Variants in CPED1 observed in about 807,000 individuals in gnomAD.
The protein encoded by CPED1 is cadherin like and PC-esterase domain containing 1.
CPED1 carries 114 observed loss-of-function variants against 128.2 expected under a neutral mutation model. That is an observed-to-expected ratio of 0.89 (90% CI 0.76 to 1.04). The LOEUF is 1.04. CPED1 is among the 50% of genes least tolerant of loss of function. The pLI is 0.00. For missense variants in CPED1, 1,211 were observed against 1,207.1 expected (o/e 1.00, Z -0.05); for synonymous variants, 462 against 426.7 (o/e 1.08, Z -1.02).
At chr7:121,293,495 C>T (rs745918788) in intron 22 of CPED1, among the ~76,000 whole-genome samples, 6 of 152,090 alleles carry the variant, frequency 3.9e-5, no homozygotes, top group African/African-American at 1.2e-4. Context: ...GCTTCAGCCC[C>T]GTTTCCAAGG....
intron 5 of CPED1, among the ~76,000 whole-genome samples, chr7:121,070,145 C>T (rs117575976): frequency 0.031 from 4,673 of 150,026 alleles, 133 homozygotes; most frequent in Non-Finnish European, 0.04. Flanking sequence ...ATACTATTTA[C>T]TACCAAATAT....
rs200333617 is a variant in CPED1 at position 121,128,382 on chromosome 7, G to A, written c.1303G>A (p.Gly435Ser). Residue 435 changes from glycine to serine, a missense_variant and splice_region_variant, in exon 11 of 23, where the codon GGT becomes AGT. Transcript: ENST00000310396. Reference protein sequence around the residue: ...QRLYRSDVFKGENYQKELNQC... With the variant: ...QRLYRSDVFKSENYQKELNQC... ...AAGTTCTTTCCCCCTACCAATACAG[G>A]GTGAAAACTATCAAAAGGAACTAAA... 1.6e-5 allele frequency: 24 copies of A among 1,539,924 alleles called. No individual in the cohort carries two copies. Among genetic ancestry groups the A allele is most frequent in the Non-Finnish European group, 5.4e-6 (6 of 1,113,326 alleles).
intron 17 of CPED1, among the ~76,000 whole-genome samples, chr7:121,238,776 T>C (rs1268998459): frequency 1.3e-5 from 2 of 150,642 alleles, no homozygotes; most frequent in African/African-American, 2.4e-5. Flanking sequence ...TATTACAGTG[T>C]ACTCATTAAT....
At chr7:121,204,015 GA>G (rs1431151442) in intron 16 of CPED1, among the ~76,000 whole-genome samples, 1 of 152,012 alleles carries the variant, frequency 6.6e-6, no homozygotes, top group Non-Finnish European at 1.5e-5. Context: ...CGCTTTCAGG[GA>G]GGTGAGGAGG....
chr7:121,156,242 A>G (rs1291294575), intron 16 of CPED1, among the ~76,000 whole-genome samples: 9 of 152,202 alleles, frequency 5.9e-5, no homozygotes, highest in African/African-American at 1.9e-4. Context: ...GTTGGTGGGA[A>G]TGTAAATTAG....
intron 18 of CPED1, among the ~76,000 whole-genome samples, chr7:121,260,686 G>A (rs1791995492): frequency 7.0e-6 from 1 of 143,442 alleles, no homozygotes; most frequent in African/African-American, 2.5e-5. Flanking sequence ...CCAGTAAACA[G>A]GCATTACCTG....
intron 6 of CPED1, among the ~76,000 whole-genome samples, chr7:121,099,097 T>A (rs1251007639): frequency 6.6e-6 from 1 of 151,338 alleles, no homozygotes; most frequent in African/African-American, 2.4e-5. Flanking sequence ...TAGGTAAGAT[T>A]GAACTAGTGG....
chr7:121,183,528 A>C (rs968126532), intron 16 of CPED1, among the ~76,000 whole-genome samples: 1 of 152,186 alleles, frequency 6.6e-6, no homozygotes, highest in African/African-American at 2.4e-5. Flanking sequence ...CTTAAGGTAC[A>C]GATTTTGTTT....
intron 16 of CPED1, among the ~76,000 whole-genome samples, chr7:121,226,368 C>T (rs537245709): frequency 2.0e-5 from 3 of 152,140 alleles, no homozygotes; most frequent in Non-Finnish European, 4.4e-5. Flanking sequence ...CTGGGAGCTG[C>T]AGACCGGAGC....
At chr7:121,015,572 A>G in intron 2 of CPED1, 93 bp from the exon 3 acceptor site, 1 of 1,167,660 alleles carries the variant, frequency 8.6e-7, no homozygotes, top group South Asian at 1.6e-5. Context: ...CTTTAGAATA[A>G]CTTCCCAAAT....
intron 2 of CPED1, among the ~76,000 whole-genome samples, chr7:120,997,732 C>T (rs1796430957): frequency 6.6e-6 from 1 of 151,892 alleles, no homozygotes; most frequent in South Asian, 2.1e-4. Context: ...ACCAGCCTGG[C>T]CAACATGGTG....
At chr7:121,136,222 T>C (rs1795780611) in intron 14 of CPED1, 132 bp downstream of exon 14, 5 of 876,690 alleles carry the variant, frequency 5.7e-6, no homozygotes, top group Non-Finnish European at 8.5e-6. Flanking sequence ...TTTTAGAAGT[T>C]ATTAGATTTC....
At chr7:121,165,944 T>C (rs553436979) in intron 16 of CPED1, among the ~76,000 whole-genome samples, 21 of 152,210 alleles carry the variant, frequency 1.4e-4, no homozygotes, top group Non-Finnish European at 2.6e-4. Context: ...TTATAAACTC[T>C]GTACTATTGA....
chr7:121,192,200 C>G (rs1376759634), intron 16 of CPED1, among the ~76,000 whole-genome samples: 6 of 152,074 alleles, frequency 3.9e-5, no homozygotes, highest in African/African-American at 1.4e-4. Flanking sequence ...TCCCCTCATC[C>G]TTTCCTACAA....
intron 16 of CPED1, among the ~76,000 whole-genome samples, chr7:121,165,701 A>G (rs1021407956): frequency 1.1e-4 from 17 of 152,174 alleles, no homozygotes; most frequent in Admixed American, 9.2e-4. Flanking sequence ...ACCACCACTA[A>G]GTCTGAAGTT....
chr7:121,295,542 C>A lies in CPED1; in HGVS notation c.2971C>A (p.Gln991Lys). 6.2e-7 allele frequency: 1 copy of A among 1,614,064 alleles called. No individual in the cohort carries two copies. The highest frequency in any genetic ancestry group is 8.5e-7 in the Non-Finnish European group (1 of 1,179,940). ...RYFSNQSKLQ[Q>K]GTVTNFRSPY... Reference sequence around the variant, plus strand: ...TTTCAGCAATCAAAGCAAACTACAACAAGGCACTGTAACAAATTTTCGATC... The same window carrying A: ...TTTCAGCAATCAAAGCAAACTACAAAAAGGCACTGTAACAAATTTTCGATC... The change falls in exon 23 of 23, where the codon CAA (glutamine) becomes AAA (lysine). Residue 991 changes from glutamine to lysine, a missense_variant. Gln to Lys is a moderately conservative substitution (Grantham distance 53, BLOSUM62 1). Coordinates refer to ENST00000310396, the MANE Select transcript of CPED1 (RefSeq NM_024913.5).
intron 16 of CPED1, among the ~76,000 whole-genome samples, chr7:121,148,604 G>T (rs1796080462): frequency 6.6e-6 from 1 of 152,074 alleles, no homozygotes; most frequent in Non-Finnish European, 1.5e-5. Flanking sequence ...AAAGAAATAG[G>T]AGCAAATAAT....
At chr7:121,210,075 T>C (rs1797609082) in intron 16 of CPED1, among the ~76,000 whole-genome samples, 1 of 152,026 alleles carries the variant, frequency 6.6e-6, no homozygotes, top group Non-Finnish European at 1.5e-5. Context: ...ACATCATTGA[T>C]CATCAGAGAA....
intron 22 of CPED1, among the ~76,000 whole-genome samples, chr7:121,291,738 A>G (rs1186471151): frequency 6.6e-6 from 1 of 152,206 alleles, no homozygotes; most frequent in Non-Finnish European, 1.5e-5. Context: ...CACTCATGTC[A>G]TCAGCAAACA....
Sources: allele counts gnomAD v4.1 joint callset (sites outside exome capture counted in the v4.1 genomes callset), GRCh38; gene constraint gnomAD v4.1.1; transcripts MANE v1.5; gene names NCBI Gene and HGNC (gene_info 2026-07-23, HGNC 2026-07-21).